ZFHX3: variants seen among roughly 807,000 people sequenced by gnomAD.
ZFHX3 encodes the protein zinc finger homeobox protein 3.
ZFHX3 carries 42 observed loss-of-function variants against 279.1 expected under a neutral mutation model. That is an observed-to-expected ratio of 0.15 (90% confidence interval 0.12 to 0.19). ZFHX3 has a LOEUF of 0.19. Ranked by LOEUF, ZFHX3 falls within the 10% of genes least tolerant of loss-of-function variation. The probability of loss-of-function intolerance (pLI) is 1.00; values close to 1 mark genes in which losing one functional copy is unlikely to be tolerated. For missense variants in ZFHX3, 4,981 were observed against 4,754.0 expected (o/e 1.05, Z -1.40); for synonymous variants, 2,293 against 1,957.8 (o/e 1.17, Z -4.52).
chr16:73,051,696 G>A (rs1389663395), upstream of ZFHX3, among the ~76,000 whole-genome samples: 5 of 152,102 alleles, frequency 3.3e-5, no homozygotes, highest in South Asian at 6.2e-4. Context: ...CTGTGATTTC[G>A]GAGAGTTTTT....
intron 1 of ZFHX3, among the ~76,000 whole-genome samples, chr16:72,995,479 G>T (rs1963252169): frequency 6.6e-6 from 1 of 152,136 alleles, no homozygotes; most frequent in African/African-American, 2.4e-5. Flanking sequence ...TAAACCGCTG[G>T]CACAAACCTC....
intron 5 of ZFHX3, among the ~76,000 whole-genome samples, chr16:73,241,720 G>T (rs1442579035): frequency 6.6e-6 from 1 of 150,854 alleles, no homozygotes; most frequent in Non-Finnish European, 1.5e-5. Flanking sequence ...AACCCAGGAG[G>T]CGGAGGTTGC....
At chr16:73,008,069 T>A (rs995756011) in intron 1 of ZFHX3, among the ~76,000 whole-genome samples, 2 of 152,222 alleles carry the variant, frequency 1.3e-5, no homozygotes, top group Non-Finnish European at 2.9e-5. Flanking sequence ...AGTGTTTTTA[T>A]CTGTTTTTCT....
intron 3 of ZFHX3, among the ~76,000 whole-genome samples, chr16:73,357,071 T>C (rs2143301939): frequency 6.6e-6 from 1 of 152,084 alleles, no homozygotes; most frequent in South Asian, 2.1e-4. Context: ...TTTTATGGAC[T>C]TCTTTCCTTC....
At chr16:73,189,248 G>A (rs1967978872) in intron 5 of ZFHX3, among the ~76,000 whole-genome samples, 1 of 152,196 alleles carries the variant, frequency 6.6e-6, no homozygotes, top group South Asian at 2.1e-4. Context: ...CCTTCTAGAA[G>A]CTGCTGGGCC....
At chr16:73,291,420 T>G (rs1810190548) in intron 4 of ZFHX3, among the ~76,000 whole-genome samples, 1 of 152,244 alleles carries the variant, frequency 6.6e-6, no homozygotes. Flanking sequence ...TATTGGCTCC[T>G]TGCTGGTTAT....
chr16:73,033,495 A>C (rs1964784530), intron 1 of ZFHX3, among the ~76,000 whole-genome samples: 1 of 151,862 alleles, frequency 6.6e-6, no homozygotes, highest in South Asian at 2.1e-4. Context: ...AAACGTGAAC[A>C]GTTTCAACTT....
chr16:73,385,950 C>G (rs528017101), intron 3 of ZFHX3, among the ~76,000 whole-genome samples: 10 of 152,086 alleles, frequency 6.6e-5, no homozygotes, highest in Admixed American at 5.9e-4. Flanking sequence ...GCCCCGAACC[C>G]CAGTGGAATG....
intron 2 of ZFHX3, among the ~76,000 whole-genome samples, chr16:73,626,128 T>C (rs1309009824): frequency 6.6e-6 from 1 of 152,144 alleles, no homozygotes; most frequent in Non-Finnish European, 1.5e-5. Flanking sequence ...AGTGCTGGGA[T>C]TACAGGCGTG....
At chr16:73,738,329 A>T (rs1404517069) in intron 1 of ZFHX3, among the ~76,000 whole-genome samples, 5 of 152,228 alleles carry the variant, frequency 3.3e-5, no homozygotes, top group African/African-American at 1.2e-4. Flanking sequence ...GGCAGGAGCC[A>T]TGAAGAGGAC....
chr16:72,984,833 CA>C (rs1029780888), intron 1 of ZFHX3, among the ~76,000 whole-genome samples: 22 of 152,124 alleles, frequency 1.4e-4, no homozygotes, highest in African/African-American at 5.3e-4. Flanking sequence ...AGAATTTATA[CA>C]TATAAAATTT....
At chr16:73,170,274 A>ACGTTGGAGTGCAGT (rs1050146926) in intron 5 of ZFHX3, among the ~76,000 whole-genome samples, 12 of 106,186 alleles carry the variant, frequency 1.1e-4, no homozygotes, top group Middle Eastern at 0.019. Flanking sequence ...TTTGTCACCC[A>ACGTTGGAGTGCAGT]CGTTGGAGTG....
At chr16:73,768,365 C>T (rs1567404105) in intron 1 of ZFHX3, among the ~76,000 whole-genome samples, 1 of 152,160 alleles carries the variant, frequency 6.6e-6, no homozygotes, top group Non-Finnish European at 1.5e-5. Flanking sequence ...AGTACCAGAA[C>T]ACTTAAAAAA....
At position 73,120,905 on chromosome 16, in the gene ZFHX3, C is replaced by T. The variant is rs1266957394; in HGVS notation, c.-897+10063G>A. ...TCCTGACCTTGTGATCCGCCCACCT[C>T]GGCCTCCCAGAGTGCTGGGATTACA... On this transcript the variant is annotated intron_variant, in intron 7 of 17. Coordinates refer to the ZFHX3 transcript ENST00000641206. 2.6e-5 allele frequency among the ~76,000 whole-genome samples: 4 copies of T among 151,594 alleles called. No individual in the cohort carries two copies. The South Asian group carries it at 6.3e-4, about 24-fold the overall frequency.
intron 3 of ZFHX3, among the ~76,000 whole-genome samples, chr16:72,905,860 A>C (rs958830546): frequency 5.3e-5 from 8 of 152,036 alleles, no homozygotes; most frequent in African/African-American, 1.9e-4. Context: ...GTACAACTTT[A>C]TTTTCTTCCT....
intron 1 of ZFHX3, among the ~76,000 whole-genome samples, chr16:73,026,024 A>G (rs1036075023): frequency 1.3e-4 from 19 of 151,834 alleles, no homozygotes; most frequent in Admixed American, 6.6e-4. Flanking sequence ...GAACACACCC[A>G]TGTCTTGGCA....
chr16:73,017,637 C>A (rs1005405779), intron 1 of ZFHX3, among the ~76,000 whole-genome samples: 1 of 152,136 alleles, frequency 6.6e-6, no homozygotes, highest in Non-Finnish European at 1.5e-5. Context: ...ACTTCTCCAA[C>A]TCCAGGGAGC....
intron 2 of ZFHX3, among the ~76,000 whole-genome samples, chr16:73,661,202 A>G (rs144529067): frequency 2.2e-3 from 334 of 152,364 alleles, no homozygotes; most frequent in Middle Eastern, 0.01. Flanking sequence ...AAACTTATAA[A>G]TAATAAACCA....
intron 1 of ZFHX3, among the ~76,000 whole-genome samples, chr16:73,798,515 A>G (rs933948957): frequency 1.1e-4 from 17 of 152,152 alleles, no homozygotes; most frequent in African/African-American, 4.1e-4. Flanking sequence ...GGACCCAGAT[A>G]CTGATCTGTA....
Sources: gnomAD v4.1 joint callset for allele counts (sites outside exome capture counted in the v4.1 genomes callset) on GRCh38, gnomAD v4.1.1 for gene constraint, MANE v1.5 for transcripts, NCBI Gene and HGNC (gene_info 2026-07-23, HGNC 2026-07-21) for gene names.